The following IMPA2 variants were observed in gnomAD, a reference collection of about 807,000 sequenced individuals.
IMPA2 encodes inositol monophosphatase 2.
IMPA2 carries 32 observed loss-of-function variants against 35.1 expected under a neutral mutation model. That is an observed-to-expected ratio of 0.91 (90% CI 0.69 to 1.23). The LOEUF (loss-of-function observed/expected upper bound fraction) is 1.23, where lower values mean the gene tolerates loss of function less well. IMPA2 is among the 50% of genes most tolerant of loss of function. The pLI is 0.00. For missense variants in IMPA2, 334 were observed against 387.6 expected, an observed-to-expected ratio of 0.86 and a Z score of 1.16; for synonymous variants, 135 against 160.6, an observed-to-expected ratio of 0.84 and a Z score of 1.20.
chr18:12,028,180 G>C, intron 6 of IMPA2, 29 bp downstream of exon 6: 1 of 1,402,498 alleles, frequency 7.1e-7, no homozygotes, highest in Non-Finnish European at 1.0e-6. Flanking sequence ...GGAACACCCT[G>C]CAGCCCGAGG....
intron 6 of IMPA2, chr18:12,028,461 A>C (rs571984968): frequency 1.1e-5 from 5 of 442,290 alleles, no homozygotes; most frequent in South Asian, 4.0e-5. Flanking sequence ...GGCGTCAGAC[A>C]GGTTTATCAA....
chr18:12,004,285 AAG>A (rs2143796402), intron 2 of IMPA2, among the ~76,000 whole-genome samples: 1 of 152,322 alleles, frequency 6.6e-6, no homozygotes, highest in East Asian at 1.9e-4. Flanking sequence ...AAAAAAAAGA[AAG>A]AAAGAAAAAA....
chr18:11,984,803 TA>T (rs372661421), intron 1 of IMPA2, among the ~76,000 whole-genome samples: 15,140 of 151,414 alleles, frequency 0.1, 936 homozygotes, highest in East Asian at 0.28. Context: ...TCGTCTCTAC[TA>T]AAAAATACAA....
intron 5 of IMPA2, among the ~76,000 whole-genome samples, chr18:12,014,744 C>T (rs1461783037): frequency 6.6e-6 from 1 of 152,200 alleles, no homozygotes; most frequent in African/African-American, 2.4e-5. Context: ...TGCCCAGGCA[C>T]TGCTGCCCAG....
At chr18:11,993,391 A>C (rs137923875) in intron 1 of IMPA2, among the ~76,000 whole-genome samples, 150 of 152,350 alleles carry the variant, frequency 9.8e-4, no homozygotes, top group African/African-American at 3.6e-3. Context: ...AGGTTAGCTT[A>C]GTGTCATTGT....
At position 12,010,546 on chromosome 18, in the gene IMPA2, G is replaced by T. The variant is rs1307466211; in HGVS notation, c.335+559G>T. Among the ~76,000 whole-genome samples, 2 of 152,374 alleles carry T rather than the reference G, an allele frequency of 1.3e-5. No homozygotes were observed. Among genetic ancestry groups the T allele is most frequent in the East Asian group, 3.9e-4 (2 of 5,186 alleles). ...AAAGGTGACAGGGACACGACCACAGGTGTTCTCTGGCAGTGGCAGGTGATG... is the reference window on the plus strand; with the variant it reads ...AAAGGTGACAGGGACACGACCACAGTTGTTCTCTGGCAGTGGCAGGTGATG... On this transcript the variant is annotated intron_variant, in intron 3 of 7. Coordinates refer to ENST00000269159, the MANE Select transcript of IMPA2 (RefSeq NM_014214.3). This position sits in a 1 kb window ranked among gnomAD's most constrained non-coding sequence, Gnocchi z 4.8.
At chr18:12,020,759 A>G (rs1044832786) in intron 5 of IMPA2, among the ~76,000 whole-genome samples, 24 of 151,632 alleles carry the variant, frequency 1.6e-4, no homozygotes, top group African/African-American at 5.6e-4. Flanking sequence ...TTTCTGAAAT[A>G]TTTCCTTTAT....
intron 2 of IMPA2, among the ~76,000 whole-genome samples, chr18:12,001,177 C>T (rs986976594): frequency 2.6e-5 from 4 of 151,734 alleles, no homozygotes; most frequent in African/African-American, 9.7e-5. Context: ...TGCAGTGAGC[C>T]GAGGTCACAC....
At chr18:12,024,994 A>G (rs968415083) in intron 5 of IMPA2, among the ~76,000 whole-genome samples, 3 of 152,206 alleles carry the variant, frequency 2.0e-5, no homozygotes, top group Non-Finnish European at 4.4e-5. Context: ...ACAGTATCAT[A>G]TAGAATATTT....
intron 6 of IMPA2, 65 bp from the exon 7 acceptor site, chr18:12,028,777 C>A (rs777008211): frequency 1.8e-4 from 269 of 1,533,182 alleles, no homozygotes; most frequent in Non-Finnish European, 2.3e-4. Flanking sequence ...TGGCTGAAGT[C>A]GGCTTGCACA....
intron 5 of IMPA2, chr18:12,017,698 C>T: frequency 2.6e-6 from 1 of 384,344 alleles, no homozygotes; most frequent in Non-Finnish European, 5.1e-6. Flanking sequence ...AAGCAATTCT[C>T]CTGCCTCATC....
At position 12,009,924 on chromosome 18, in the gene IMPA2, T is replaced by C. The variant is rs780733020; in HGVS notation, c.272T>C (p.Val91Ala). 1.2e-6 allele frequency: 2 copies of C among 1,614,182 alleles called. No individual in the cohort carries two copies. Among genetic ancestry groups the C allele is most frequent in the Non-Finnish European group, 1.7e-6 (2 of 1,180,046 alleles). ...EEAAASGAKCVLTHSPTWIID... is the reference protein window; with the variant it reads ...EEAAASGAKCALTHSPTWIID... Reference sequence around the variant, plus strand: ...GCCGCGGCTTCTGGGGCCAAGTGTGTGCTCACCCACAGCCCGACGTGGATC... The same window carrying C: ...GCCGCGGCTTCTGGGGCCAAGTGTGCGCTCACCCACAGCCCGACGTGGATC... The change falls in exon 3 of 8, where the codon GTG (valine) becomes GCG (alanine). Residue 91 changes from valine to alanine, a missense_variant. Val to Ala is a moderately conservative substitution (Grantham distance 64). Coordinates refer to ENST00000269159, the MANE Select transcript of IMPA2 (RefSeq NM_014214.3).
At chr18:12,003,651 AAAAAAAAAAAAAAGAAAAGG>A (rs1907173728) in intron 2 of IMPA2, among the ~76,000 whole-genome samples, 1 of 35,456 alleles carries the variant, frequency 2.8e-5, no homozygotes, top group African/African-American at 5.6e-4. Context: ...ACTCCATCTT[AAAAAAAAAAAAAAGAAAAGG>A]AAAAAAAAAA....
intron 2 of IMPA2, among the ~76,000 whole-genome samples, chr18:12,000,783 T>A (rs1907095068): frequency 6.6e-6 from 1 of 151,100 alleles, no homozygotes; most frequent in Admixed American, 6.6e-5. Context: ...GCCCAGCTAA[T>A]TTTTTGTATT....
At chr18:11,994,341 A>T (rs1906897797) in intron 1 of IMPA2, 1 of 152,352 alleles carries the variant, frequency 6.6e-6, no homozygotes, top group East Asian at 1.9e-4. Flanking sequence ...GCGCTACTGC[A>T]CTCCATCTGG....
rs574745955 is a variant in IMPA2 at position 12,012,176 on chromosome 18, G to A, written c.342G>A (p.Pro114=). 3.0e-5 allele frequency: 48 copies of A among 1,614,136 alleles called. 1 individual carries two copies. The highest frequency in any genetic ancestry group is 2.4e-4 in the South Asian group (22 of 91,076). The stretch of plus-strand genomic sequence containing the variant: ...TTTCTATTTTCCTTTGCAGATTCCC[G>A]ACTGTGGCGGTTAGCATTGGATTTG... ...DGTCNFVHRF[P]TVAVSIGFAV... The change falls in exon 4 of 8, where the codon CCG becomes CCA. Residue 114 remains proline (P), a synonymous_variant. Coordinates refer to ENST00000269159, the MANE Select transcript of IMPA2 (RefSeq NM_014214.3).
chr18:11,990,544 G>T (rs958045653), intron 1 of IMPA2, among the ~76,000 whole-genome samples: 1 of 152,264 alleles, frequency 6.6e-6, no homozygotes, highest in South Asian at 2.1e-4. Flanking sequence ...TGGGGGCCCC[G>T]TGTGGAGGGC....
intron 4 of IMPA2, among the ~76,000 whole-genome samples, chr18:12,013,420 G>A (rs925827423): frequency 5.9e-5 from 9 of 152,180 alleles, no homozygotes; most frequent in Non-Finnish European, 5.9e-5. Context: ...GCCTCCAACC[G>A]CCAGAAATAA....
chr18:12,024,137 G>A (rs2143823334), intron 5 of IMPA2, among the ~76,000 whole-genome samples: 1 of 152,336 alleles, frequency 6.6e-6, no homozygotes, highest in Non-Finnish European at 1.5e-5. Flanking sequence ...ATGGAATAGA[G>A]TGCGGCTGTT....
Sources: allele counts gnomAD v4.1 joint callset (sites outside exome capture counted in the v4.1 genomes callset), GRCh38; gene constraint gnomAD v4.1.1; non-coding constraint Gnocchi (gnomAD v3.1); transcripts MANE v1.5; gene names NCBI Gene and HGNC (gene_info 2026-07-23, HGNC 2026-07-21).